TNPO3: variants seen among roughly 807,000 people sequenced by gnomAD.
TNPO3 encodes the protein transportin-3.
In TNPO3, 65 loss-of-function variants were observed where a neutral mutation model predicts 122.8. The ratio of observed to expected loss-of-function variants is 0.53; its 90% CI spans 0.43 to 0.65. The LOEUF (loss-of-function observed/expected upper bound fraction) is 0.65. Among genes scored for constraint, TNPO3 ranks in the 30% least tolerant of loss-of-function variants. The pLI, the probability that TNPO3 is intolerant of heterozygous loss-of-function variation, is 0.00. For missense variants in TNPO3, 850 were observed against 1,136.7 expected (o/e 0.75, Z 3.63); for synonymous variants, 372 against 411.2 (o/e 0.90, Z 1.15).
rs752417075 is a variant in TNPO3 at position 128,991,969 on chromosome 7, T to C, written c.1358+30A>G. 3.4e-6 allele frequency: 5 copies of C among 1,464,956 alleles called. No individual in the cohort carries two copies. The South Asian group carries it at 5.0e-5, about 15-fold the overall frequency. 90.7% of individuals were successfully genotyped at this position (1,464,956 alleles called of 1,614,324 possible). Reference sequence around the variant, plus strand: ...TTTTCCTTCCTCTTGATATTTAGAGTTCCCAGCAAAAGACTTATGAGACAC... The same window carrying C: ...TTTTCCTTCCTCTTGATATTTAGAGCTCCCAGCAAAAGACTTATGAGACAC... On this transcript the variant is annotated intron_variant, in intron 10 of 22. Coordinates refer to ENST00000265388, the MANE Select transcript of TNPO3 (RefSeq NM_012470.4).
At chr7:129,024,086 T>G (rs1016588823) in intron 1 of TNPO3, among the ~76,000 whole-genome samples, 2 of 152,194 alleles carry the variant, frequency 1.3e-5, no homozygotes, top group African/African-American at 4.8e-5. Context: ...GCTTAACTGA[T>G]AGAATATGGC....
chr7:129,047,699 G>A (rs939710269), intron 1 of TNPO3, among the ~76,000 whole-genome samples: 1 of 152,246 alleles, frequency 6.6e-6, no homozygotes, highest in Non-Finnish European at 1.5e-5. Flanking sequence ...GTTAGGTGGG[G>A]TGGTAGAGAA....
chr7:129,006,213 C>T (rs1479438005), intron 4 of TNPO3, among the ~76,000 whole-genome samples: 2 of 152,108 alleles, frequency 1.3e-5, no homozygotes, highest in Non-Finnish European at 2.9e-5. Context: ...ACAGACTTAC[C>T]CAAGTTGTTT....
intron 5 of TNPO3, among the ~76,000 whole-genome samples, chr7:129,004,090 A>AT (rs1475523323): frequency 6.6e-6 from 1 of 152,180 alleles, no homozygotes; most frequent in Admixed American, 6.5e-5. Flanking sequence ...TGGCATCCTA[A>AT]TTTTCCTAAG....
chr7:129,014,858 A>G (rs2150424762), intron 4 of TNPO3, 121 bp downstream of exon 4: 1 of 954,884 alleles, frequency 1.0e-6, no homozygotes, highest in Non-Finnish European at 1.5e-6. Context: ...TTACATAAAT[A>G]CCAAAGCATC....
chr7:129,035,877 G>A (rs1218199670), intron 1 of TNPO3, among the ~76,000 whole-genome samples: 1 of 151,794 alleles, frequency 6.6e-6, no homozygotes, highest in African/African-American at 2.4e-5. Context: ...TAAATAGTGA[G>A]GCATACTAAA....
chr7:129,007,169 T>C (rs1802668814), intron 4 of TNPO3, among the ~76,000 whole-genome samples: 1 of 152,196 alleles, frequency 6.6e-6, no homozygotes, highest in African/African-American at 2.4e-5. Context: ...AAACAGATAC[T>C]ATTATCCCCA....
intron 16 of TNPO3, among the ~76,000 whole-genome samples, chr7:128,976,737 G>A (rs1799097122): frequency 6.6e-6 from 1 of 152,180 alleles, no homozygotes; most frequent in Non-Finnish European, 1.5e-5. Context: ...TGCCACCACA[G>A]TACATATGTA....
Position 128,982,414 on chromosome 7 carries a change from T to C in TNPO3, c.1783-90A>G. The C allele has an allele frequency of 3.5e-6, 4 of 1,131,958 alleles. No homozygotes were observed. The South Asian group carries it at 5.4e-5, about 15-fold the overall frequency. 70.1% of individuals were successfully genotyped at this position (1,131,958 alleles called of 1,614,324 possible). On this transcript the variant is annotated intron_variant, in intron 13 of 22. Coordinates refer to ENST00000265388, the MANE Select transcript of TNPO3 (RefSeq NM_012470.4). The stretch of plus-strand genomic sequence containing the variant: ...ACATACATCAACCTTTGTCTCAATC[T>C]CTGCTTATTTCCTTATATAAAGTCC...
chr7:128,967,739 A>AACACACAC (rs35430377), intron 20 of TNPO3, among the ~76,000 whole-genome samples: 102 of 148,412 alleles, frequency 6.9e-4, no homozygotes, highest in Middle Eastern at 3.5e-3. Flanking sequence ...TGCGAACATG[A>AACACACAC]ACACACACAC....
chr7:129,002,113 A>G (rs1438490222), intron 5 of TNPO3, among the ~76,000 whole-genome samples: 1 of 152,248 alleles, frequency 6.6e-6, no homozygotes, highest in South Asian at 2.1e-4. Flanking sequence ...AAAGGAGAGC[A>G]AGGCCTTTGA....
At chr7:128,995,315 C>A (rs1801189858) in intron 8 of TNPO3, among the ~76,000 whole-genome samples, 1 of 152,304 alleles carries the variant, frequency 6.6e-6, no homozygotes, top group Admixed American at 6.5e-5. Context: ...TTCTGACACA[C>A]TTCTGTAAAC....
Position 128,967,368 on chromosome 7 carries a change from A to T in TNPO3, c.2623T>A (p.Ser875Thr). The T allele has an allele frequency of 6.2e-7, 1 of 1,613,822 alleles. No individual in the cohort carries two copies. The highest frequency in any genetic ancestry group is 8.5e-7 in the Non-Finnish European group (1 of 1,179,726). ...RPTFCRWLEN[S>T]LKGLPKETTV... ...GTTTCCTTTGGCAAACCTTTTAAGG[A>T]ATTTTCTAACCATCGACAAAAAGTC... Residue 875 changes from serine (S) to threonine (T), a missense_variant, in exon 21 of 23, where the codon TCC becomes ACC. By Grantham distance (58) the Ser-to-Thr change is moderately conservative. Transcript: ENST00000265388.
chr7:129,049,196 C>T (rs574835884), intron 1 of TNPO3, among the ~76,000 whole-genome samples: 1 of 152,226 alleles, frequency 6.6e-6, no homozygotes, highest in South Asian at 2.1e-4. Context: ...TCCACTCTAC[C>T]CCAAAATATT....
chr7:128,984,875 A>C (rs922148674), intron 12 of TNPO3, among the ~76,000 whole-genome samples: 33 of 152,196 alleles, frequency 2.2e-4, no homozygotes, highest in Admixed American at 2.1e-3. Flanking sequence ...TTCCCTCCTA[A>C]ACAAATCTTG....
At chr7:129,046,633 T>C (rs909424743) in intron 1 of TNPO3, among the ~76,000 whole-genome samples, 2 of 152,202 alleles carry the variant, frequency 1.3e-5, no homozygotes, top group South Asian at 2.1e-4. Context: ...TGATATTCCA[T>C]GACCCATGTA....
chr7:128,973,993 G>A (rs541073376), intron 18 of TNPO3, among the ~76,000 whole-genome samples: 12 of 151,412 alleles, frequency 7.9e-5, no homozygotes, highest in Non-Finnish European at 1.3e-4. Flanking sequence ...GATCAACATG[G>A]CAAAACCCCG....
At chr7:128,960,852 C>T (rs1203166799) in intron 21 of TNPO3, among the ~76,000 whole-genome samples, 1 of 151,952 alleles carries the variant, frequency 6.6e-6, no homozygotes, top group Non-Finnish European at 1.5e-5. Flanking sequence ...CTCTGTCTCC[C>T]AGGTTCAAGC....
At chr7:128,964,666 G>A (rs568588840) in intron 21 of TNPO3, among the ~76,000 whole-genome samples, 164 of 152,134 alleles carry the variant, frequency 1.1e-3, no homozygotes, top group Admixed American at 4.0e-3. Context: ...AACATTGCAG[G>A]CCTCATATTC....
Sources: gnomAD v4.1 joint callset for allele counts (sites outside exome capture counted in the v4.1 genomes callset) on GRCh38, gnomAD v4.1.1 for gene constraint, MANE v1.5 for transcripts, NCBI Gene and HGNC (gene_info 2026-07-23, HGNC 2026-07-21) for gene names.